Variants in CAMK2A observed in about 807,000 individuals in gnomAD.
CAMK2A encodes calcium/calmodulin dependent protein kinase II alpha.
CAMK2A carries 7 observed loss-of-function variants against 79.2 expected under a neutral mutation model. The observed-to-expected ratio is 0.09, with a 90% CI of 0.05 to 0.17. CAMK2A has a LOEUF of 0.17. Among genes scored for constraint, CAMK2A ranks in the 10% least tolerant of loss-of-function variants. The pLI is 1.00. For missense variants in CAMK2A, 214 were observed against 646.4 expected, an observed-to-expected ratio of 0.33 and a Z score of 7.25; for synonymous variants, 242 against 251.7, an observed-to-expected ratio of 0.96 and a Z score of 0.36.
In CAMK2A at chr5:150,222,524, T is replaced by G; in HGVS notation, c.*186A>C. The G allele has an allele frequency of 4.1e-6, 3 of 728,196 alleles. No individual in the cohort carries two copies. The highest frequency in any genetic ancestry group is 7.4e-6 in the Non-Finnish European group (3 of 407,346). The allele number at this position is 728,196 out of a possible 1,614,324, so 45.1% of individuals were successfully genotyped here. A position where few individuals can be genotyped will look rare whatever the true frequency, so the allele number is the denominator to read the frequency against. The stretch of plus-strand genomic sequence containing the variant: ...GTGAGAGGTGGGGAGATGTGGCCGT[T>G]CGCTCTGAAGTTGCGATGACTTTTG... On this transcript the variant is annotated 3_prime_UTR_variant, in exon 19 of 19. Coordinates refer to ENST00000671881, the MANE Select transcript of CAMK2A (RefSeq NM_015981.4).
chr5:150,272,929 G>A (rs1004242945), intron 2 of CAMK2A, 136 bp downstream of exon 2: 30 of 672,638 alleles, frequency 4.5e-5, no homozygotes, highest in East Asian at 7.9e-5. Context: ...ATGACACCCC[G>A]GGAAGAGCAG....
At chr5:150,249,534 C>T (rs777128879) in intron 11 of CAMK2A, among the ~76,000 whole-genome samples, 76 of 149,142 alleles carry the variant, frequency 5.1e-4, no homozygotes, top group Non-Finnish European at 8.3e-4. Context: ...GTCTGGAACA[C>T]GTTCCCATTC....
intron 17 of CAMK2A, 81 bp downstream of exon 17, chr5:150,228,111 G>T (rs1754682917): frequency 1.6e-6 from 2 of 1,250,588 alleles, no homozygotes; most frequent in Admixed American, 2.1e-5. Flanking sequence ...CTGGGGCCCT[G>T]CCCGTCACCC....
chr5:150,239,462 C>T (rs1473366962), intron 14 of CAMK2A, among the ~76,000 whole-genome samples: 2 of 152,182 alleles, frequency 1.3e-5, no homozygotes, highest in African/African-American at 2.4e-5. Context: ...CCTTCACACC[C>T]GAGGAGGATC....
intron 1 of CAMK2A, among the ~76,000 whole-genome samples, chr5:150,287,271 C>T (rs1457431182): frequency 6.6e-6 from 1 of 152,228 alleles, no homozygotes; most frequent in African/African-American, 2.4e-5. Flanking sequence ...CCTGCAAGCT[C>T]CTGACATTGC....
chr5:150,257,139 C>T (rs1296829536), intron 4 of CAMK2A, among the ~76,000 whole-genome samples: 1 of 152,178 alleles, frequency 6.6e-6, no homozygotes, highest in Non-Finnish European at 1.5e-5. Flanking sequence ...AGCCTATGGC[C>T]TCCCCCATGA....
At chr5:150,273,837 T>C (rs1756848279) in intron 1 of CAMK2A, among the ~76,000 whole-genome samples, 1 of 152,242 alleles carries the variant, frequency 6.6e-6, no homozygotes, top group Admixed American at 6.5e-5. Flanking sequence ...TCAGATTAGT[T>C]TCAATCTATA....
At chr5:150,264,601 C>A (rs1288414340) in intron 3 of CAMK2A, among the ~76,000 whole-genome samples, 4 of 152,218 alleles carry the variant, frequency 2.6e-5, no homozygotes, top group African/African-American at 9.6e-5. Flanking sequence ...CGGTGCCAGG[C>A]TGAATCGGCA....
chr5:150,247,717 G>A (rs1755632890), intron 12 of CAMK2A, 55 bp downstream of exon 12: 2 of 1,443,656 alleles, frequency 1.4e-6, no homozygotes, highest in African/African-American at 2.8e-5. Flanking sequence ...ACAGGACGGT[G>A]CCCCCAACGA....
intron 2 of CAMK2A, among the ~76,000 whole-genome samples, chr5:150,271,120 G>A (rs1351507581): frequency 3.3e-5 from 5 of 152,222 alleles, no homozygotes; most frequent in Non-Finnish European, 7.3e-5. Flanking sequence ...TGCACAGAGA[G>A]GGCACCAGAC....
chr5:150,275,695 A>G lies in CAMK2A; in HGVS notation c.63-2536T>C, dbSNP rs550172401. ...GTGTGTGTTTACATTAAAGGTTATGATAAAGGGTACAGATGAACAGCTAGA... is the reference window on the plus strand; with the variant it reads ...GTGTGTGTTTACATTAAAGGTTATGGTAAAGGGTACAGATGAACAGCTAGA... On this transcript the variant is annotated intron_variant, in intron 1 of 18. Transcript: ENST00000671881. 8.8e-4 allele frequency among the ~76,000 whole-genome samples: 134 copies of G among 152,188 alleles called. 2 individuals carry two copies. The highest frequency in any genetic ancestry group is 1.1e-3 in the Non-Finnish European group (76 of 68,028).
intron 13 of CAMK2A, among the ~76,000 whole-genome samples, chr5:150,242,844 C>A (rs1233385731): frequency 6.6e-6 from 1 of 152,222 alleles, no homozygotes; most frequent in African/African-American, 2.4e-5. Context: ...CTGGGCCAGG[C>A]CCCCAGGTTA....
At chr5:150,248,681 C>T (rs991696603) in intron 11 of CAMK2A, among the ~76,000 whole-genome samples, 2 of 152,034 alleles carry the variant, frequency 1.3e-5, no homozygotes, top group African/African-American at 4.8e-5. Context: ...TTTTTTATGG[C>T]TGCATAGTAT....
At chr5:150,276,091 C>T (rs1183605590) in intron 1 of CAMK2A, among the ~76,000 whole-genome samples, 1 of 152,208 alleles carries the variant, frequency 6.6e-6, no homozygotes, top group African/African-American at 2.4e-5. Context: ...CAGTCAGGAA[C>T]TGGGTTCTAA....
chr5:150,259,826 G>A (rs1409046284), intron 3 of CAMK2A, among the ~76,000 whole-genome samples: 1 of 152,048 alleles, frequency 6.6e-6, no homozygotes, highest in Non-Finnish European at 1.5e-5. Flanking sequence ...AAAATTAGCT[G>A]GGTGTGGTGG....
intron 2 of CAMK2A, among the ~76,000 whole-genome samples, chr5:150,267,797 A>G (rs1288379124): frequency 6.6e-6 from 1 of 151,794 alleles, no homozygotes; most frequent in African/African-American, 2.4e-5. Flanking sequence ...ATCACTCACC[A>G]AAATCACTCT....
At chr5:150,286,928 A>G (rs111950998) in intron 1 of CAMK2A, among the ~76,000 whole-genome samples, 3,848 of 152,292 alleles carry the variant, frequency 0.025, 65 homozygotes, top group Non-Finnish European at 0.032. Context: ...CTGCATCTCT[A>G]CATGCACCAT....
chr5:150,237,861 T>G (rs189396065), intron 15 of CAMK2A, among the ~76,000 whole-genome samples: 36 of 152,304 alleles, frequency 2.4e-4, no homozygotes, highest in Admixed American at 3.3e-4. Context: ...TCCAATCAAT[T>G]ACCTGATGCT....
chr5:150,233,107 C>T (rs867537864), intron 15 of CAMK2A, among the ~76,000 whole-genome samples: 3 of 152,298 alleles, frequency 2.0e-5, no homozygotes, highest in East Asian at 1.9e-4. Context: ...TTGCTCACTG[C>T]GTCCTGGAGC....
Sources: allele counts gnomAD v4.1 joint callset (sites outside exome capture counted in the v4.1 genomes callset), GRCh38; gene constraint gnomAD v4.1.1; transcripts MANE v1.5; gene names NCBI Gene and HGNC (gene_info 2026-07-23, HGNC 2026-07-21).